HSPG2: variants seen among roughly 807,000 people sequenced by gnomAD.
HSPG2 encodes the protein heparan sulfate proteoglycan 2, also known as basement membrane-specific heparan sulfate proteoglycan core protein.
In HSPG2, 278 loss-of-function variants were observed where a neutral mutation model predicts 526.6. The observed-to-expected ratio is 0.53, with a 90% CI of 0.48 to 0.58. HSPG2 has a LOEUF of 0.58. HSPG2 is among the 20% of genes least tolerant of loss of function. The probability of loss-of-function intolerance (pLI) is 0.00; values close to 1 mark genes in which losing one functional copy is unlikely to be tolerated. For synonymous variants in HSPG2, 2,465 were observed against 2,555.4 expected, an observed-to-expected ratio of 0.96 and a Z score of 1.07; for missense variants, 5,354 against 6,099.5, an observed-to-expected ratio of 0.88 and a Z score of 4.07.
At chr1:21,853,757 AAAAT>A (rs773012671) in intron 50 of HSPG2, 17,906 of 147,838 alleles carry the variant, frequency 0.12, 1,255 homozygotes, top group South Asian at 0.19. Context: ...TCAAAAAAAT[AAAAT>A]AAAATAAAAT....
At chr1:21,830,422 C>T (rs988099973) in intron 85 of HSPG2, 1 of 385,000 alleles carries the variant, frequency 2.6e-6, no homozygotes, top group South Asian at 2.5e-5. Flanking sequence ...CGTGGGGGCT[C>T]ATGCCTGTAA....
chr1:21,841,373 G>A lies in HSPG2; in HGVS notation c.9329-88C>T, dbSNP rs1476972548. 2.5e-6 allele frequency: 4 copies of A among 1,574,944 alleles called. No individual in the cohort carries two copies. In the East Asian group the frequency reaches 9.0e-5, roughly 35 times the overall value. ...ATGGCCTCCAGCTTAGTAACTGCTGGGTGGGCACCTGTCTCCCCACTGCAC... is the reference window on the plus strand; with the variant it reads ...ATGGCCTCCAGCTTAGTAACTGCTGAGTGGGCACCTGTCTCCCCACTGCAC... On this transcript the variant is annotated intron_variant, in intron 70 of 96. Coordinates refer to ENST00000374695, the MANE Select transcript of HSPG2 (RefSeq NM_005529.7).
rs1385682839 is a variant in HSPG2, at chr1:21,839,220, C to A, written c.9890-135G>T. 5 of 1,441,254 alleles carry A rather than the reference C, an allele frequency of 3.5e-6. No homozygotes were observed. Among genetic ancestry groups the A allele is most frequent in the Non-Finnish European group, 2.9e-6 (3 of 1,051,500 alleles). 89.3% of individuals were successfully genotyped at this position (1,441,254 alleles called of 1,614,324 possible). ...GGATAAGGAAAGCAAAGGTCCCAGG[C>A]CAGGGTGTGGGTGTCGGGCAGGGCA... is the stretch of plus-strand genomic sequence containing the variant. On this transcript the variant is annotated intron_variant, in intron 73 of 96. Transcript: ENST00000374695. This position sits in a 1 kb window ranked among gnomAD's most constrained non-coding sequence, Gnocchi z 4.5.
At chr1:21,930,752 T>C (rs1351301941) in intron 1 of HSPG2, among the ~76,000 whole-genome samples, 1 of 148,336 alleles carries the variant, frequency 6.7e-6, no homozygotes, top group Non-Finnish European at 1.5e-5. Context: ...CTAGCCTGGG[T>C]AACAGATCAA....
rs1432451135 is a variant in HSPG2 at position 21,860,199 on chromosome 1, T to C, written c.4992A>G (p.Gln1664=). The C allele has an allele frequency of 1.9e-6, 3 of 1,613,778 alleles. No homozygotes were observed. Among genetic ancestry groups the C allele is most frequent in the Non-Finnish European group, 1.7e-6 (2 of 1,179,964 alleles). The change falls in exon 40 of 97, where the codon CAA becomes CAG. Residue 1664 remains glutamine (Q), a synonymous_variant. Coordinates refer to ENST00000374695, the MANE Select transcript of HSPG2 (RefSeq NM_005529.7). ...TACTCTCTGGCAGGCACTGGCCCCC[T>C]TGCACACTGGGGTTACCCACGTAAC... ...GPGYVGNPSV[Q]GGQCLPETNQ...
rs1433265312 is a variant in HSPG2 at position 21,889,985 on chromosome 1, G to A, written c.570C>T (p.Gly190=). ...CAGACACCAGGATAGGCTCACCTGT[G>A]CCCAGGCGTCGGAACTGGAATCCCT... ...SPQGFQFRRL[G]TVPQFPRACT... Residue 190 remains glycine (G), a synonymous_variant, in exon 6 of 97, where the codon GGC becomes GGT. Coordinates refer to ENST00000374695, the MANE Select transcript of HSPG2 (RefSeq NM_005529.7). The A allele has an allele frequency of 1.2e-6, 2 of 1,613,922 alleles. No homozygotes were observed. The highest frequency in any genetic ancestry group is 3.3e-5 in the Admixed American group (2 of 60,002).
chr1:21,921,227 T>C (rs1044621584), intron 1 of HSPG2, among the ~76,000 whole-genome samples: 4 of 151,908 alleles, frequency 2.6e-5, no homozygotes, highest in African/African-American at 7.3e-5. Context: ...CTGGCAGAGT[T>C]GGGGGTTGGA....
In HSPG2 at chr1:21,829,085, G is replaced by A; in HGVS notation, c.11993-6C>T. The A allele has an allele frequency of 5.9e-6, 9 of 1,535,514 alleles. No individual in the cohort carries two copies. The highest frequency in any genetic ancestry group is 7.9e-6 in the Non-Finnish European group (9 of 1,143,996). ...GCTCCGCAGAACGGCCAGCCCTGGG[G>A]AGGATGCCAGGCAGGGTTGGGCACA... On this transcript the variant is annotated splice_polypyrimidine_tract_variant and splice_region_variant and intron_variant, in intron 87 of 96. Coordinates refer to ENST00000374695, the MANE Select transcript of HSPG2 (RefSeq NM_005529.7).
At position 21,865,319 on chromosome 1, in the gene HSPG2, G is replaced by A. The variant is rs1640140373; in HGVS notation, c.4361C>T (p.Pro1454Leu). 2.5e-6 allele frequency: 4 copies of A among 1,614,116 alleles called. No individual in the cohort carries two copies. Among genetic ancestry groups the A allele is most frequent in the Non-Finnish European group, 3.4e-6 (4 of 1,179,996 alleles). ...CATGATCTCGTAGCTCCTCCTCTCA[G>A]GGCCCTGCAGCGCTGGCTGGGAGGC... ...LVASQPALQG[P>L]ERRSYEIMFR... The change falls in exon 35 of 97, where the codon CCT (proline) becomes CTT (leucine). Residue 1454 changes from proline (P) to leucine (L), a missense_variant. By Grantham distance (98) the Pro-to-Leu change is moderately conservative. Transcript: ENST00000374695. This position sits in a 1 kb window ranked among gnomAD's most constrained non-coding sequence, Gnocchi z 5.4.
At position 21,842,343 on chromosome 1, in the gene HSPG2, G is replaced by C; in HGVS notation, c.8948C>G (p.Pro2983Arg). The change falls in exon 68 of 97, where the codon CCT (proline) becomes CGT (arginine). Residue 2983 changes from proline to arginine, a missense_variant. Pro to Arg is a moderately radical substitution (Grantham distance 103, BLOSUM62 -2). Coordinates refer to ENST00000374695, the MANE Select transcript of HSPG2 (RefSeq NM_005529.7). Reference sequence around the variant, plus strand: ...ACACACATACTCGCCTGAGTCGGCAGGGGAGACGAGGTGGAGCCGCAGCTG... The same window carrying C: ...ACACACATACTCGCCTGAGTCGGCACGGGAGACGAGGTGGAGCCGCAGCTG... ...GSQLRLHLVS[P>R]ADSGEYVCRA... 1 of 1,610,888 alleles carries C rather than the reference G, an allele frequency of 6.2e-7. No individual in the cohort carries two copies. The highest frequency in any genetic ancestry group is 8.5e-7 in the Non-Finnish European group (1 of 1,178,366).
At chr1:21,922,181 A>G (rs912307777) in intron 1 of HSPG2, among the ~76,000 whole-genome samples, 1 of 152,056 alleles carries the variant, frequency 6.6e-6, no homozygotes, top group African/African-American at 2.4e-5. Flanking sequence ...CTTCACCAAA[A>G]CCCTGCAGTG....
At chr1:21,854,420 C>A in intron 49 of HSPG2, 77 bp from the exon 50 acceptor site, 1 of 1,520,934 alleles carries the variant, frequency 6.6e-7, no homozygotes, top group South Asian at 1.2e-5. Context: ...CTCAGTGATT[C>A]ATTCAAACTC....
chr1:21,832,928 GAGAA>G (rs2098010819), intron 80 of HSPG2: 3 of 559,598 alleles, frequency 5.4e-6, no homozygotes, highest in Non-Finnish European at 6.4e-6. Context: ...TAAGAGACGA[GAGAA>G]AGAGAGGAGG....
At position 21,904,799 on chromosome 1, in the gene HSPG2, G is replaced by T. The variant is rs1176396836; in HGVS notation, c.64-8489C>A. On this transcript the variant is annotated intron_variant, in intron 1 of 96. Coordinates refer to ENST00000374695, the MANE Select transcript of HSPG2 (RefSeq NM_005529.7). The surrounding 1 kb of genome is among the most constrained non-coding windows in gnomAD (Gnocchi z 4.4). ...TGCCGGCAACACCTGCAGCGTTCAC[G>T]TGCCAGCCTCCTGCATGCAGCCTGG... Among the ~76,000 whole-genome samples, 2 of 152,158 alleles carry T rather than the reference G, an allele frequency of 1.3e-5. No homozygotes were observed. The highest frequency in any genetic ancestry group is 6.5e-5 in the Admixed American group (1 of 15,274).
chr1:21,887,436 G>C lies in HSPG2; in HGVS notation c.942C>G (p.Ser314Arg), dbSNP rs568588231. The C allele has an allele frequency of 1.2e-6, 2 of 1,614,038 alleles. No individual in the cohort carries two copies. The highest frequency in any genetic ancestry group is 1.7e-6 in the Non-Finnish European group (2 of 1,179,986). ...GGTGCGCACCACAGTCTAGCTCATC[G>C]CTGCCGTCCTCGCAGTCCTCCTGTC... ...CDGQEDCEDG[S>R]DELDCGPPPP... The change falls in exon 8 of 97, where the codon AGC becomes AGG. Residue 314 changes from serine (S) to arginine (R), a missense_variant. Coordinates refer to ENST00000374695, the MANE Select transcript of HSPG2 (RefSeq NM_005529.7). The surrounding 1 kb of genome is among the most constrained non-coding windows in gnomAD (Gnocchi z 5.0).
chr1:21,828,533 G>T lies in HSPG2; in HGVS notation c.12238-107C>A. On this transcript the variant is annotated intron_variant, in intron 88 of 96. Transcript: ENST00000374695. This position sits in a 1 kb window ranked among gnomAD's most constrained non-coding sequence, Gnocchi z 6.0. ...AGAGGGGAGCTGGGAGCCCACATTG[G>T]GCCCTGAGTGGTAGCATGGATTCTC... The T allele has an allele frequency of 8.4e-7, 1 of 1,195,134 alleles. No individual in the cohort carries two copies. The allele number at this position is 1,195,134 out of a possible 1,614,324, so 74.0% of individuals were successfully genotyped here.
chr1:21,914,632 C>T (rs1007969635), intron 1 of HSPG2, among the ~76,000 whole-genome samples: 41 of 152,162 alleles, frequency 2.7e-4, no homozygotes, highest in African/African-American at 8.7e-4. Flanking sequence ...AGGGATTGGC[C>T]ATGTGATCTC....
At chr1:21,850,321 C>A (rs1434951416) in intron 56 of HSPG2, 42 bp downstream of exon 56, 5 of 1,603,194 alleles carry the variant, frequency 3.1e-6, no homozygotes, top group South Asian at 1.1e-5. Context: ...GGGGGCCTCC[C>A]ACCCTGGGTC....
chr1:21,828,460 G>C lies in HSPG2; in HGVS notation c.12238-34C>G, dbSNP rs757983741. The stretch of plus-strand genomic sequence containing the variant: ...ACAGGGACACCGAGGGACTAAAGGG[G>C]CCTGGGAGGCAGAGACCCAGGTGTA... On this transcript the variant is annotated intron_variant, in intron 88 of 96. Transcript: ENST00000374695. The surrounding 1 kb of genome is among the most constrained non-coding windows in gnomAD (Gnocchi z 6.0). 3.1e-6 allele frequency: 5 copies of C among 1,607,096 alleles called. No individual in the cohort carries two copies. The East Asian group carries it at 1.1e-4, about 36-fold the overall frequency.
Sources: gnomAD v4.1 joint callset for allele counts (sites outside exome capture counted in the v4.1 genomes callset) on GRCh38, gnomAD v4.1.1 for gene constraint, Gnocchi (gnomAD v3.1) non-coding constraint, MANE v1.5 for transcripts, NCBI Gene and HGNC (gene_info 2026-07-23, HGNC 2026-07-21) for gene names.